HIP1: variants seen among roughly 807,000 people sequenced by gnomAD.
HIP1 encodes huntingtin interacting protein 1.
In HIP1, 65 loss-of-function variants were observed where a neutral mutation model predicts 147.6. The observed-to-expected ratio is 0.44, with a 90% CI of 0.36 to 0.54. The LOEUF is 0.54. Among genes scored for constraint, HIP1 ranks in the 20% least tolerant of loss-of-function variants. The pLI, the probability that HIP1 is intolerant of heterozygous loss-of-function variation, is 0.00. For synonymous variants in HIP1, 479 were observed against 504.0 expected, an observed-to-expected ratio of 0.95 and a Z score of 0.67; for missense variants, 1,061 against 1,299.6, an observed-to-expected ratio of 0.82 and a Z score of 2.82.
chr7:75,651,287 C>A (rs1318103257), intron 1 of HIP1, among the ~76,000 whole-genome samples: 6 of 151,418 alleles, frequency 4.0e-5, no homozygotes, highest in African/African-American at 1.2e-4. Context: ...GTGAAACCAC[C>A]GTCTCTACTA....
rs1210063619 is a variant in HIP1, at chr7:75,706,642, TTTA to T, written c.120+32156_120+32158del. ...CTCGTCATTTTTTTTTTTTTTTTTT[TTTA>T]TTATACTCTAAGTTTTAGGGTACAT... On this transcript the variant is annotated intron_variant, in intron 1 of 30. Coordinates refer to ENST00000336926, the MANE Select transcript of HIP1 (RefSeq NM_005338.7). Among the ~76,000 whole-genome samples, 655 of 121,526 alleles carry T rather than the reference TTTA, an allele frequency of 5.4e-3. 15 individuals are homozygous for T. The highest frequency in any genetic ancestry group is 0.019 in the African/African-American group (509 of 26,118). The allele number at this position is 121,526 out of a possible 152,430, so 79.7% of individuals were successfully genotyped here. A position where few individuals can be genotyped will look rare whatever the true frequency, so the allele number is the denominator to read the frequency against.
chr7:75,648,335 G>A (rs1798871874), intron 1 of HIP1, among the ~76,000 whole-genome samples: 1 of 151,826 alleles, frequency 6.6e-6, no homozygotes, highest in South Asian at 2.1e-4. Flanking sequence ...GCTGGTTGGA[G>A]TAGATGAGGC....
intron 7 of HIP1, among the ~76,000 whole-genome samples, chr7:75,577,332 CAA>C (rs61299057): frequency 1.3e-4 from 13 of 96,886 alleles, no homozygotes; most frequent in East Asian, 2.5e-4. Context: ...ATCCCATCTC[CAA>C]AAAAAAAAAA....
At chr7:75,592,620 CAG>C (rs1554501063) in intron 2 of HIP1, 106 bp from the exon 3 acceptor site, 1 of 1,208,580 alleles carries the variant, frequency 8.3e-7, no homozygotes, top group African/African-American at 1.5e-5. Context: ...CCAGCCATCA[CAG>C]GGGATAGAGG....
At chr7:75,555,678 T>A in intron 18 of HIP1, 127 bp from the exon 19 acceptor site, 1 of 1,029,128 alleles carries the variant, frequency 9.7e-7, no homozygotes, top group Non-Finnish European at 1.4e-6. Flanking sequence ...CCAGTAAGCC[T>A]GAGACAGAGA....
intron 7 of HIP1, among the ~76,000 whole-genome samples, chr7:75,576,017 C>T (rs587618906): frequency 2.8e-4 from 42 of 152,300 alleles, no homozygotes; most frequent in African/African-American, 8.9e-4. Flanking sequence ...CCAAGTCTAC[C>T]GGCTTCCTCA....
At chr7:75,664,351 CGT>C (rs1554514267) in intron 1 of HIP1, among the ~76,000 whole-genome samples, 5 of 62,584 alleles carry the variant, frequency 8.0e-5, no homozygotes, top group Admixed American at 2.0e-4. Flanking sequence ...TGTATGTATA[CGT>C]ATACATACAT....
At chr7:75,613,522 A>T (rs1554505436) in intron 1 of HIP1, among the ~76,000 whole-genome samples, 1 of 152,132 alleles carries the variant, frequency 6.6e-6, no homozygotes, top group African/African-American at 2.4e-5. Context: ...CAGGCACTGC[A>T]CTGGTAATTT....
intron 1 of HIP1, among the ~76,000 whole-genome samples, chr7:75,610,500 G>A (rs1235809786): frequency 6.6e-6 from 1 of 151,648 alleles, no homozygotes; most frequent in African/African-American, 2.4e-5. Flanking sequence ...GTGAGCCACC[G>A]CACCTGGCCT....
At chr7:75,628,817 TTC>T (rs1207907145) in intron 1 of HIP1, among the ~76,000 whole-genome samples, 1 of 152,224 alleles carries the variant, frequency 6.6e-6, no homozygotes, top group East Asian at 1.9e-4. Context: ...AAGGATCACT[TTC>T]TCTCTTACAT....
At chr7:75,706,490 T>A (rs1196166471) in intron 1 of HIP1, among the ~76,000 whole-genome samples, 7 of 148,730 alleles carry the variant, frequency 4.7e-5, no homozygotes, top group African/African-American at 7.4e-5. Flanking sequence ...TTTATTTTTT[T>A]TTTATTTTTT....
chr7:75,595,243 T>TTCCTTC (rs1796670489), intron 2 of HIP1, among the ~76,000 whole-genome samples: 11 of 104,872 alleles, frequency 1.0e-4, no homozygotes, highest in African/African-American at 4.5e-4. Flanking sequence ...TTTCTTTCTT[T>TTCCTTC]CTTTCTTTCT....
intron 1 of HIP1, among the ~76,000 whole-genome samples, chr7:75,688,978 G>A (rs1293807708): frequency 2.6e-5 from 4 of 152,120 alleles, no homozygotes; most frequent in Admixed American, 6.6e-5. Flanking sequence ...GCAGCCTGCC[G>A]GCAGCCAGTC....
intron 29 of HIP1, among the ~76,000 whole-genome samples, chr7:75,539,799 ATCT>A (rs1554489516): frequency 6.6e-6 from 1 of 152,122 alleles, no homozygotes; most frequent in Non-Finnish European, 1.5e-5. Flanking sequence ...ACTCACTGTG[ATCT>A]TCTACTGGAA....
intron 1 of HIP1, chr7:75,733,669 T>A (rs1402552271): frequency 6.5e-6 from 1 of 153,678 alleles, no homozygotes; most frequent in Non-Finnish European, 1.5e-5. Flanking sequence ...CAGGAGTAGG[T>A]ATGCAAGGCT....
chr7:75,598,507 T>C (rs1554502405), intron 2 of HIP1, among the ~76,000 whole-genome samples: 3 of 151,668 alleles, frequency 2.0e-5, no homozygotes, highest in Non-Finnish European at 4.4e-5. Context: ...CCTGTGTTCC[T>C]GTAAAGGCAA....
At chr7:75,665,965 G>A (rs952344843) in intron 1 of HIP1, among the ~76,000 whole-genome samples, 1 of 152,066 alleles carries the variant, frequency 6.6e-6, no homozygotes, top group Admixed American at 6.6e-5. Flanking sequence ...GGGCAGGCCT[G>A]TATGTATGGA....
chr7:75,562,608 G>A (rs1437479448), intron 11 of HIP1, among the ~76,000 whole-genome samples: 3 of 152,154 alleles, frequency 2.0e-5, no homozygotes, highest in Non-Finnish European at 4.4e-5. Context: ...ACATAGCTGG[G>A]ACCACAGGTA....
At chr7:75,556,371 G>A (rs953448110) in intron 17 of HIP1, among the ~76,000 whole-genome samples, 2 of 152,122 alleles carry the variant, frequency 1.3e-5, no homozygotes, top group Admixed American at 6.6e-5. Flanking sequence ...TGACAGCAAC[G>A]CCAAAGCCAG....
Sources: gnomAD v4.1 joint callset for allele counts (sites outside exome capture counted in the v4.1 genomes callset) on GRCh38, gnomAD v4.1.1 for gene constraint, MANE v1.5 for transcripts, NCBI Gene and HGNC (gene_info 2026-07-23, HGNC 2026-07-21) for gene names.